Variants in CLNS1A observed in about 807,000 individuals in gnomAD.
CLNS1A encodes the protein methylosome subunit pICln.
Under a neutral mutation model 29.4 loss-of-function variants are expected in CLNS1A, and 16 were observed. That is an observed-to-expected ratio of 0.54 (90% CI 0.37 to 0.83). The LOEUF is 0.83. CLNS1A is among the 40% of genes least tolerant of loss of function. The pLI, the probability that CLNS1A is intolerant of heterozygous loss-of-function variation, is 0.00. For synonymous variants in CLNS1A, 96 were observed against 104.8 expected, an observed-to-expected ratio of 0.92 and a Z score of 0.51; for missense variants, 235 against 287.4, an observed-to-expected ratio of 0.82 and a Z score of 1.32.
At chr11:77,636,828 T>TC (rs1959130486) in intron 1 of CLNS1A, among the ~76,000 whole-genome samples, 1 of 152,088 alleles carries the variant, frequency 6.6e-6, no homozygotes, top group South Asian at 2.1e-4. Flanking sequence ...GATGTGTCAT[T>TC]ACAGGCTTCA....
In CLNS1A at chr11:77,616,518, T is replaced by C. The variant is rs1369990457; in HGVS notation, c.*200A>G. On this transcript the variant is annotated 3_prime_UTR_variant, in exon 7 of 7. Transcript: ENST00000525428. ...ATACCCTCTTGGTTAAGTTAATTCA[T>C]CAAGTTAATAAAGGTCATATTATCT... The C allele has an allele frequency of 6.6e-6, 1 of 152,662 alleles. No homozygotes were observed. The highest frequency in any genetic ancestry group is 2.4e-5 in the African/African-American group (1 of 41,452). 9.5% of individuals were successfully genotyped at this position (152,662 alleles called of 1,614,324 possible). A position where few individuals can be genotyped will look rare whatever the true frequency, so the allele number is the denominator to read the frequency against.
chr11:77,625,866 A>G, intron 2 of CLNS1A, 48 bp from the exon 3 acceptor site: 1 of 1,379,738 alleles, frequency 7.2e-7, no homozygotes. Context: ...CTTTAAAAAA[A>G]TGAAGCATAT....
chr11:77,616,922 G>C (rs905103337), intron 6 of CLNS1A, among the ~76,000 whole-genome samples: 7 of 152,238 alleles, frequency 4.6e-5, no homozygotes, highest in African/African-American at 1.7e-4. Context: ...TGGCAGAGTT[G>C]TGATTCCACG....
chr11:77,625,407 C>A (rs1959006167), intron 3 of CLNS1A: 1 of 449,346 alleles, frequency 2.2e-6, no homozygotes. Context: ...TTAAAACTGC[C>A]ATAACTCCTC....
intron 1 of CLNS1A, among the ~76,000 whole-genome samples, chr11:77,634,429 C>CA (rs1164908326): frequency 6.6e-4 from 101 of 151,926 alleles, no homozygotes; most frequent in African/African-American, 2.1e-3. Context: ...GTTTCACACA[C>CA]AAAAAAATTA....
chr11:77,619,172 T>C (rs951966383), intron 6 of CLNS1A, among the ~76,000 whole-genome samples: 3 of 152,120 alleles, frequency 2.0e-5, no homozygotes, highest in Non-Finnish European at 4.4e-5. Context: ...CTCAGAATAA[T>C]GGAGTAGCAA....
chr11:77,630,639 C>T (rs1010985074), intron 1 of CLNS1A, among the ~76,000 whole-genome samples: 2 of 152,128 alleles, frequency 1.3e-5, no homozygotes, highest in Admixed American at 6.6e-5. Context: ...TGGTCAAATG[C>T]AAATATTTTA....
intron 1 of CLNS1A, among the ~76,000 whole-genome samples, chr11:77,632,526 A>G (rs1959084788): frequency 1.3e-5 from 2 of 152,182 alleles, no homozygotes; most frequent in South Asian, 4.1e-4. Context: ...TTTGCTATGG[A>G]ACTCTCATAA....
At chr11:77,637,269 A>AAG (rs1959138778) in intron 1 of CLNS1A, among the ~76,000 whole-genome samples, 1 of 145,408 alleles carries the variant, frequency 6.9e-6, no homozygotes, top group East Asian at 2.0e-4. Flanking sequence ...AGAAAATAAA[A>AAG]GAAAGAAAGA....
chr11:77,624,124 G>C (rs918992867), intron 4 of CLNS1A, among the ~76,000 whole-genome samples: 4 of 152,212 alleles, frequency 2.6e-5, no homozygotes, highest in African/African-American at 9.6e-5. Flanking sequence ...AATTAGCCAG[G>C]CATGGTGGCG....
intron 1 of CLNS1A, among the ~76,000 whole-genome samples, chr11:77,630,739 T>C (rs1242616309): frequency 6.6e-6 from 1 of 152,180 alleles, no homozygotes; most frequent in Non-Finnish European, 1.5e-5. Context: ...TTCATCCATC[T>C]GGAGCTGTAC....
chr11:77,630,172 T>C (rs891149683), intron 1 of CLNS1A, among the ~76,000 whole-genome samples: 1 of 152,230 alleles, frequency 6.6e-6, no homozygotes, highest in Admixed American at 6.5e-5. Context: ...ATGACTTTCA[T>C]GCTTACTCTT....
At chr11:77,634,468 G>A (rs535937680) in intron 1 of CLNS1A, among the ~76,000 whole-genome samples, 5 of 152,158 alleles carry the variant, frequency 3.3e-5, no homozygotes, top group Non-Finnish European at 7.4e-5. Flanking sequence ...GCTCATGCCT[G>A]TAATCCCAGC....
At chr11:77,619,394 G>T in intron 6 of CLNS1A, 1 of 486,374 alleles carries the variant, frequency 2.1e-6, no homozygotes, top group Non-Finnish European at 3.6e-6. Context: ...AGCTGGGTGT[G>T]GTAAGCATGT....
rs560606414 is a variant in CLNS1A, at chr11:77,624,010, C to G, written c.472+953G>C. Among the ~76,000 whole-genome samples the G allele has an allele frequency of 2.2e-3, 340 of 152,292 alleles. 2 individuals carry two copies. The highest frequency in any genetic ancestry group is 8.0e-3 in the African/African-American group (332 of 41,558). ...CAGGCCCGGTGGCTCATGCCTGTAA[C>G]CCAGCATTCTGGGAGGCCAAGGCCA... On this transcript the variant is annotated intron_variant, in intron 4 of 6. Coordinates refer to ENST00000525428, the MANE Select transcript of CLNS1A (RefSeq NM_001293.3).
chr11:77,623,159 GA>G (rs1028665212), intron 4 of CLNS1A, among the ~76,000 whole-genome samples: 4 of 151,350 alleles, frequency 2.6e-5, no homozygotes, highest in African/African-American at 4.8e-5. Flanking sequence ...CCAGGGACTA[GA>G]AAAAAAAAGT....
intron 4 of CLNS1A, among the ~76,000 whole-genome samples, chr11:77,623,012 G>T (rs1216369912): frequency 6.7e-6 from 1 of 149,810 alleles, no homozygotes; most frequent in African/African-American, 2.5e-5. Flanking sequence ...CTTCCAGGAA[G>T]ATACTTTTGA....
Position 77,632,632 on chromosome 11 carries a change from A to T in CLNS1A, c.126-2733T>A, listed in dbSNP as rs1203867059. Among the ~76,000 whole-genome samples the T allele has an allele frequency of 7.9e-5, 12 of 151,538 alleles. No individual in the cohort carries two copies. In the East Asian group the frequency reaches 1.0e-3, roughly 13 times the overall value. On this transcript the variant is annotated intron_variant, in intron 1 of 6. Coordinates refer to ENST00000525428, the MANE Select transcript of CLNS1A (RefSeq NM_001293.3). ...CTAATCGTTAAATTCTTTTTTTTTT[A>T]AATAAAAAAAGAAAAGAAACCCTAG...
At chr11:77,618,887 A>G (rs1447664255) in intron 6 of CLNS1A, among the ~76,000 whole-genome samples, 1 of 152,222 alleles carries the variant, frequency 6.6e-6, no homozygotes, top group Non-Finnish European at 1.5e-5. Flanking sequence ...TCAAGTCAAA[A>G]CATATAAATC....
Sources: allele counts gnomAD v4.1 joint callset (sites outside exome capture counted in the v4.1 genomes callset), GRCh38; gene constraint gnomAD v4.1.1; transcripts MANE v1.5; gene names NCBI Gene and HGNC (gene_info 2026-07-23, HGNC 2026-07-21).